Variants in PIM3 observed in about 807,000 individuals in gnomAD.
The protein encoded by PIM3 is Pim-3 proto-oncogene, serine/threonine kinase, also known as serine/threonine-protein kinase pim-3.
In PIM3, 13 loss-of-function variants were observed where a neutral mutation model predicts 27.5. That is an observed-to-expected ratio of 0.47 (90% CI 0.31 to 0.75). The LOEUF (loss-of-function observed/expected upper bound fraction) is 0.75, where lower values mean the gene tolerates loss of function less well. Ranked by LOEUF, PIM3 falls within the 30% of genes least tolerant of loss-of-function variation. The pLI is 0.05. For missense variants in PIM3, 482 were observed against 476.9 expected, an observed-to-expected ratio of 1.01 and a Z score of -0.10; for synonymous variants, 341 against 221.1, an observed-to-expected ratio of 1.54 and a Z score of -4.81.
At position 49,961,640 on chromosome 22, in the gene PIM3, C is replaced by T. The variant is rs1174266176; in HGVS notation, c.445C>T (p.Arg149Cys). ...RGALDEPLAR[R>C]FFAQVLAAVR... ...CGCCCTGGACGAGCCGCTGGCGCGC[C>T]GCTTCTTCGCGCAGGTGCTGGCCGC... Residue 149 changes from arginine to cysteine, a missense_variant, in exon 4 of 6, where the codon CGC becomes TGC. Coordinates refer to ENST00000360612, the MANE Select transcript of PIM3 (RefSeq NM_001001852.4). 1 of 1,564,358 alleles carries T rather than the reference C, an allele frequency of 6.4e-7. No homozygotes were observed. The highest frequency in any genetic ancestry group is 8.7e-7 in the Non-Finnish European group (1 of 1,155,456).
rs370997126 is a variant in PIM3, at chr22:49,961,848, C to T, written c.616+37C>T. The T allele has an allele frequency of 5.1e-4, 825 of 1,605,476 alleles. 13 individuals are homozygous for T. The South Asian group carries it at 8.4e-3, about 16-fold the overall frequency. ...CGCGGGGCAGGGAACGTTCCGGGGG[C>T]CTTGCCGGCGGGTTAACGCCTGCAG... On this transcript the variant is annotated intron_variant, in intron 4 of 5. Transcript: ENST00000360612.
rs756923033 is a variant in PIM3, at chr22:49,963,037, CG to C, written c.896del (p.Gly299AlafsTer37). 1.2e-6 allele frequency: 2 copies of C among 1,611,240 alleles called. No homozygotes were observed. Among genetic ancestry groups the C allele is most frequent in the Non-Finnish European group, 8.5e-7 (1 of 1,179,124 alleles). On this transcript the variant is annotated frameshift_variant, in exon 6 of 6. Transcript: ENST00000360612. LOFTEE classifies it high-confidence loss of function. ...CCCATCCCTGGATGCTGGGGGCTGA[CG>C]GGGGCGTCCCGGAGAGCTGTGACCT... ...AAHPWMLGAD[G>X]GVPESCDLRL...
At position 49,961,738 on chromosome 22, in the gene PIM3, C is replaced by T. The variant is rs753509803; in HGVS notation, c.543C>T (p.Arg181=). The T allele has an allele frequency of 2.0e-5, 32 of 1,611,262 alleles. No homozygotes were observed. Among genetic ancestry groups the T allele is most frequent in the African/African-American group, 9.4e-5 (7 of 74,790 alleles). Residue 181 remains arginine (R), a synonymous_variant, in exon 4 of 6, where the codon CGC becomes CGT. Coordinates refer to ENST00000360612, the MANE Select transcript of PIM3 (RefSeq NM_001001852.4). ...ACGAAAATCTGCTTGTGGACCTGCG[C>T]TCCGGAGAGCTCAAGCTCATCGACT... ...IKDENLLVDL[R]SGELKLIDFG... is the part of the protein sequence containing the mutation.
Position 49,962,966 on chromosome 22 carries a change from C to T in PIM3, c.820C>T (p.Leu274=), listed in dbSNP as rs1447539387. Residue 274 remains leucine, a synonymous_variant, in exon 6 of 6, where the codon CTG becomes TTG. Transcript: ENST00000360612. ...PECQQLIRWC[L]SLRPSERPSL... ...GTGCCAGCAGCTGATCCGGTGGTGC[C>T]TGTCCCTGCGGCCCTCAGAGCGGCC... is the stretch of plus-strand genomic sequence containing the variant. The T allele has an allele frequency of 7.5e-6, 12 of 1,608,482 alleles. 1 individual carries two copies. The highest frequency in any genetic ancestry group is 1.0e-5 in the Non-Finnish European group (12 of 1,179,420).
Position 49,961,385 on chromosome 22 carries a change from G to A in PIM3, c.246+17G>A, listed in dbSNP as rs934389583. On this transcript the variant is annotated intron_variant, in intron 3 of 5. Coordinates refer to ENST00000360612, the MANE Select transcript of PIM3 (RefSeq NM_001001852.4). ...GGCAGCCTGGTAAGTTGGGGCACGGGCGGCGGCGGCGGCGGGGGGCGGGCG... is the reference window on the plus strand; with the variant it reads ...GGCAGCCTGGTAAGTTGGGGCACGGACGGCGGCGGCGGCGGGGGGCGGGCG... 7.1e-7 allele frequency: 1 copy of A among 1,403,910 alleles called. No homozygotes were observed. Among genetic ancestry groups the A allele is most frequent in the Non-Finnish European group, 9.3e-7 (1 of 1,077,306 alleles). The allele number at this position is 1,403,910 out of a possible 1,614,324, so 87.0% of individuals were successfully genotyped here. A position where few individuals can be genotyped will look rare whatever the true frequency, so the allele number is the denominator to read the frequency against.
chr22:49,962,509 G>A (rs2060913682), intron 4 of PIM3, among the ~76,000 whole-genome samples, 180 bp from the exon 5 acceptor site: 1 of 151,662 alleles, frequency 6.6e-6, no homozygotes, highest in South Asian at 2.1e-4. Context: ...GGGGACGGCC[G>A]GCCCCTCCCC....
Position 49,961,198 on chromosome 22 carries a change from G to C in PIM3, c.159G>C (p.Thr53=), listed in dbSNP as rs1339221208. 7 of 1,529,276 alleles carry C rather than the reference G, an allele frequency of 4.6e-6. No homozygotes were observed. The South Asian group carries it at 6.1e-5, about 13-fold the overall frequency. 94.7% of individuals were successfully genotyped at this position (1,529,276 alleles called of 1,614,324 possible). The stretch of plus-strand genomic sequence containing the variant: ...TGCTGGGTAGCGGCGGCTTCGGCAC[G>C]GTCTACGCGGGTAGCCGCATCGCCG... ...GAVLGSGGFG[T]VYAGSRIADG... The change falls in exon 2 of 6, where the codon ACG becomes ACC. Residue 53 remains threonine, a synonymous_variant. Transcript: ENST00000360612.
rs2060902608 is a variant in PIM3, at chr22:49,960,957, TCCAAGTTCG to T, written c.11_19del (p.Ser4_Gly7delinsCys). 7.3e-7 allele frequency: 1 copy of T among 1,371,156 alleles called. No individual in the cohort carries two copies. Among genetic ancestry groups the T allele is most frequent in the Non-Finnish European group, 9.5e-7 (1 of 1,052,936 alleles). The allele number at this position is 1,371,156 out of a possible 1,614,324, so 84.9% of individuals were successfully genotyped here. A position where few individuals can be genotyped will look rare whatever the true frequency, so the allele number is the denominator to read the frequency against. ...GAGGCCGTCGCCCGCGATGCTGCTCTCCAAGTTCGGCTCCCTGGCGCACCTCTGCGGGCC... is the reference window on the plus strand; with the variant it reads ...GAGGCCGTCGCCCGCGATGCTGCTCTGCTCCCTGGCGCACCTCTGCGGGCC... On this transcript the variant is annotated inframe_deletion, in exon 1 of 6. Transcript: ENST00000360612.
At chr22:49,962,893 G>C (rs370175675) in intron 5 of PIM3, 28 bp downstream of exon 5, 72 of 1,600,066 alleles carry the variant, frequency 4.5e-5, no homozygotes, top group Non-Finnish European at 6.0e-5. Context: ...GCGGGGGTGG[G>C]GGCCTCGCCC....
rs144102095 is a variant in PIM3 at position 49,962,720 on chromosome 22, C to A, written c.648C>A (p.Ile216=). The A allele has an allele frequency of 6.2e-7, 1 of 1,612,228 alleles. No individual in the cohort carries two copies. Among genetic ancestry groups the A allele is most frequent in the East Asian group, 2.2e-5 (1 of 44,870 alleles). ...GTRVYSPPEW[I]RYHRYHGRSA... is the part of the protein sequence containing the mutation. ...GAGTGTACAGCCCCCCGGAGTGGAT[C>A]CGCTACCACCGCTACCACGGGCGCT... The change falls in exon 5 of 6, where the codon ATC becomes ATA. Residue 216 remains isoleucine (I), a synonymous_variant. Coordinates refer to ENST00000360612, the MANE Select transcript of PIM3 (RefSeq NM_001001852.4).
rs781560875 is a variant in PIM3, at chr22:49,961,782, T to A, written c.587T>A (p.Leu196His). 19 of 1,610,628 alleles carry A rather than the reference T, an allele frequency of 1.2e-5. No individual in the cohort carries two copies. Among genetic ancestry groups the A allele is most frequent in the Non-Finnish European group, 1.6e-5 (19 of 1,179,102 alleles). ...KLIDFGSGAL[L>H]KDTVYTDFDG... is the part of the protein sequence containing the mutation. ...ATCGACTTCGGTTCGGGTGCGCTGC[T>A]CAAGGACACGGTCTACACCGACTTC... is the stretch of plus-strand genomic sequence containing the variant. The change falls in exon 4 of 6, where the codon CTC becomes CAC. Residue 196 changes from leucine (L) to histidine (H), a missense_variant. Coordinates refer to ENST00000360612, the MANE Select transcript of PIM3 (RefSeq NM_001001852.4).
intron 4 of PIM3, 40 bp downstream of exon 4, chr22:49,961,851 T>C (rs1785601753): frequency 2.5e-6 from 4 of 1,603,770 alleles, no homozygotes; most frequent in Non-Finnish European, 2.6e-6. Context: ...CCGGGGGCCT[T>C]GCCGGCGGGT....
rs954231265 is a variant in PIM3, at chr22:49,963,207, G to C, written c.*80G>C. ...CGCCCCCAGACCCTGACTTTCTCCT[G>C]CGTGGGCCGTCTCCTCCTGCGGAAG... On this transcript the variant is annotated 3_prime_UTR_variant, in exon 6 of 6. Transcript: ENST00000360612. The C allele has an allele frequency of 2.9e-6, 4 of 1,401,504 alleles. No individual in the cohort carries two copies. In the African/African-American group the frequency reaches 4.4e-5, roughly 15 times the overall value. 86.8% of individuals were successfully genotyped at this position (1,401,504 alleles called of 1,614,324 possible).
At chr22:49,961,931 T>C (rs2060909591) in intron 4 of PIM3, 120 bp downstream of exon 4, 2 of 1,418,194 alleles carry the variant, frequency 1.4e-6, no homozygotes, top group Non-Finnish European at 1.9e-6. Flanking sequence ...GGGTCTGCTC[T>C]CGTGGGGAGC....
chr22:49,963,768 C>CCGCGTCTGTCCT lies in PIM3; in HGVS notation c.*641_*642insCGCGTCTGTCCT, dbSNP rs2060922321. ...TGATTCCTGTGCCTGGCGTCTGTCC[C>CCGCGTCTGTCCT]GGCCCCGCCTGTCAGAAGATGAACA... On this transcript the variant is annotated 3_prime_UTR_variant, in exon 6 of 6. Transcript: ENST00000360612. 1 of 152,236 alleles carries CCGCGTCTGTCCT rather than the reference C, an allele frequency of 6.6e-6. No homozygotes were observed. Among genetic ancestry groups the CCGCGTCTGTCCT allele is most frequent in the Non-Finnish European group, 1.5e-5 (1 of 68,018 alleles). The allele number at this position is 152,236 out of a possible 1,614,324, so 9.4% of individuals were successfully genotyped here.
chr22:49,961,148 G>C lies in PIM3; in HGVS notation c.109G>C (p.Glu37Gln), dbSNP rs770373777. 10 of 1,521,376 alleles carry C rather than the reference G, an allele frequency of 6.6e-6. No individual in the cohort carries two copies. The highest frequency in any genetic ancestry group is 8.8e-6 in the Non-Finnish European group (10 of 1,137,646). The allele number at this position is 1,521,376 out of a possible 1,614,324, so 94.2% of individuals were successfully genotyped here. A position where few individuals can be genotyped will look rare whatever the true frequency, so the allele number is the denominator to read the frequency against. The change falls in exon 2 of 6, where the codon GAG becomes CAG. Residue 37 changes from glutamate (E) to glutamine (Q), a missense_variant. Physicochemically the swap from Glu to Gln is conservative, Grantham distance 29. Coordinates refer to ENST00000360612, the MANE Select transcript of PIM3 (RefSeq NM_001001852.4). Reference protein sequence around the residue: ...QPAKADKESFEKAYQVGAVLG... With the variant: ...QPAKADKESFQKAYQVGAVLG... ...AGCCAAGGCGGACAAGGAGAGCTTCGAGAAGGCGTACCAGGTGGGCGCCGT... is the reference window on the plus strand; with the variant it reads ...AGCCAAGGCGGACAAGGAGAGCTTCCAGAAGGCGTACCAGGTGGGCGCCGT...
At chr22:49,961,921 G>C in intron 4 of PIM3, 110 bp downstream of exon 4, 1 of 1,479,104 alleles carries the variant, frequency 6.8e-7, no homozygotes, top group South Asian at 1.2e-5. Flanking sequence ...CGCGCGCCCT[G>C]GGTCTGCTCT....
chr22:49,960,893 T>A lies in PIM3; in HGVS notation c.-55T>A, dbSNP rs1477708049. The stretch of plus-strand genomic sequence containing the variant: ...GTCCCCGGCGCGCCGCTCGCCCGGA[T>A]CGGCCGCGGCTTCGGCGCCTGGGGC... On this transcript the variant is annotated 5_prime_UTR_variant, in exon 1 of 6. Coordinates refer to ENST00000360612, the MANE Select transcript of PIM3 (RefSeq NM_001001852.4). The A allele has an allele frequency of 1.7e-6, 2 of 1,162,010 alleles. No individual in the cohort carries two copies. Among genetic ancestry groups the A allele is most frequent in the Non-Finnish European group, 2.1e-6 (2 of 944,122 alleles). 72.0% of individuals were successfully genotyped at this position (1,162,010 alleles called of 1,614,324 possible).
intron 1 of PIM3, 31 bp downstream of exon 1, chr22:49,961,063 G>A: frequency 2.2e-6 from 3 of 1,355,944 alleles, no homozygotes; most frequent in South Asian, 1.7e-5. Context: ...GCCGGGGCCG[G>A]GGCCAGGGCG....
Sources: gnomAD v4.1 joint callset for allele counts (sites outside exome capture counted in the v4.1 genomes callset) on GRCh38, gnomAD v4.1.1 for gene constraint, MANE v1.5 for transcripts, NCBI Gene and HGNC (gene_info 2026-07-23, HGNC 2026-07-21) for gene names.